FAM83E: variants seen among roughly 807,000 people sequenced by gnomAD.
The protein encoded by FAM83E is protein FAM83E.
A neutral mutation model predicts 34.3 loss-of-function variants in FAM83E; 29 were observed. The observed-to-expected ratio is 0.85, with a 90% CI of 0.63 to 1.15. The LOEUF (loss-of-function observed/expected upper bound fraction) is 1.15, where lower values mean the gene tolerates loss of function less well. FAM83E is among the 50% of genes most tolerant of loss of function. The pLI is 0.00. For synonymous variants in FAM83E, 312 were observed against 311.6 expected (o/e 1.00, Z -0.01); for missense variants, 697 against 685.0 (o/e 1.02, Z -0.20).
At position 48,600,983 on chromosome 19, in the gene FAM83E, T is replaced by G. The variant is rs1355493284; in HGVS notation, c.*126A>C. ...TGCAGAACAAGTGACAAACATCCCT[T>G]CTGCTTGACAGACGCCGAGGCCAGA... On this transcript the variant is annotated 3_prime_UTR_variant, in exon 7 of 7. Coordinates refer to ENST00000263266, the MANE Select transcript of FAM83E (RefSeq NM_017708.4). 6.8e-7 allele frequency: 1 copy of G among 1,470,728 alleles called. No homozygotes were observed. Among genetic ancestry groups the G allele is most frequent in the African/African-American group, 1.4e-5 (1 of 70,282 alleles). The allele number at this position is 1,470,728 out of a possible 1,614,324, so 91.1% of individuals were successfully genotyped here. A position where few individuals can be genotyped will look rare whatever the true frequency, so the allele number is the denominator to read the frequency against.
At chr19:48,609,803 C>A in intron 5 of FAM83E, 73 bp downstream of exon 5, 1 of 1,504,802 alleles carries the variant, frequency 6.6e-7, no homozygotes, top group Non-Finnish European at 9.2e-7. Context: ...GGGATGCCAG[C>A]TGTTCTCTGA....
At chr19:48,608,813 C>T (rs577585496) in intron 5 of FAM83E, among the ~76,000 whole-genome samples, 1 of 146,406 alleles carries the variant, frequency 6.8e-6, no homozygotes, top group South Asian at 2.2e-4. Context: ...AGCCACTGTT[C>T]CTGAGCAGTG....
chr19:48,601,953 G>GC (rs1486069354), intron 6 of FAM83E, among the ~76,000 whole-genome samples: 1 of 151,094 alleles, frequency 6.6e-6, no homozygotes, highest in East Asian at 2.0e-4. Flanking sequence ...ACCAACCTAG[G>GC]CAACACAGTG....
intron 6 of FAM83E, among the ~76,000 whole-genome samples, chr19:48,602,827 TATTATTA>T (rs1413895623): frequency 1.6e-4 from 2 of 12,872 alleles, no homozygotes; most frequent in Non-Finnish European, 5.3e-4. Context: ...ATTTATTGTT[TATTATTA>T]TTATTATTAT....
intron 5 of FAM83E, among the ~76,000 whole-genome samples, chr19:48,609,531 T>C (rs1219829601): frequency 2.0e-5 from 3 of 152,042 alleles, no homozygotes; most frequent in African/African-American, 7.2e-5. Flanking sequence ...TCCGGGCATT[T>C]TCTTAGATGC....
At position 48,603,619 on chromosome 19, in the gene FAM83E, T is replaced by A. The variant is rs1424866273; in HGVS notation, c.1051A>T (p.Ser351Cys). 8.3e-6 allele frequency: 12 copies of A among 1,448,544 alleles called. No individual in the cohort carries two copies. In the Admixed American group the frequency reaches 1.6e-4, roughly 19 times the overall value. The allele number at this position is 1,448,544 out of a possible 1,614,324, so 89.7% of individuals were successfully genotyped here. A position where few individuals can be genotyped will look rare whatever the true frequency, so the allele number is the denominator to read the frequency against. Reference protein sequence around the residue: ...VSPATPGPALSDILRSVQRAR... With the variant: ...VSPATPGPALCDILRSVQRAR... ...CGCTGCACACTCCTTAGAATGTCACTGAGTGCCGGCCCCGGGGTAGCAGGG... is the reference window on the plus strand; with the variant it reads ...CGCTGCACACTCCTTAGAATGTCACAGAGTGCCGGCCCCGGGGTAGCAGGG... Residue 351 changes from serine to cysteine, a missense_variant, in exon 6 of 7, where the codon AGT becomes TGT. By Grantham distance (112) the Ser-to-Cys change is moderately radical (BLOSUM62 -1). Coordinates refer to ENST00000263266, the MANE Select transcript of FAM83E (RefSeq NM_017708.4).
Position 48,609,867 on chromosome 19 carries a change from G to A in FAM83E, c.758+9C>T, listed in dbSNP as rs775613553. 3.7e-6 allele frequency: 6 copies of A among 1,611,736 alleles called. No homozygotes were observed. The highest frequency in any genetic ancestry group is 5.1e-6 in the Non-Finnish European group (6 of 1,179,574). Reference sequence around the variant, plus strand: ...CGCCGGGAGGTGGGGGGCGGGGCGGGGGCTACACCTGTAGGATCCTGAGAT... The same window carrying A: ...CGCCGGGAGGTGGGGGGCGGGGCGGAGGCTACACCTGTAGGATCCTGAGAT... On this transcript the variant is annotated intron_variant, in intron 5 of 6. Transcript: ENST00000263266.
chr19:48,605,367 G>GT (rs1453304395), intron 5 of FAM83E, among the ~76,000 whole-genome samples: 1 of 152,088 alleles, frequency 6.6e-6, no homozygotes, highest in Non-Finnish European at 1.5e-5. Context: ...GAGGCTAGGA[G>GT]TTTGAGACCA....
Position 48,614,166 on chromosome 19 carries a change from C to T in FAM83E, c.-794G>A. On this transcript the variant is annotated 5_prime_UTR_variant, in exon 3 of 7. Coordinates refer to ENST00000263266, the MANE Select transcript of FAM83E (RefSeq NM_017708.4). ...CCTTCCCTACCCTGTCAATGGGGGA[C>T]CCTGCTCCCTGGACCCTCCTCACAC... The T allele has an allele frequency of 1.0e-6, 1 of 984,144 alleles. No homozygotes were observed. Among genetic ancestry groups the T allele is most frequent in the African/African-American group, 1.7e-5 (1 of 57,360 alleles). The allele number at this position is 984,144 out of a possible 1,614,324, so 61.0% of individuals were successfully genotyped here. A position where few individuals can be genotyped will look rare whatever the true frequency, so the allele number is the denominator to read the frequency against.
chr19:48,614,266 TC>T lies in FAM83E; in HGVS notation c.-895del. On this transcript the variant is annotated 5_prime_UTR_variant, in exon 3 of 7. It removes the in-frame stop codon of an upstream open reading frame in the 5' UTR. Transcript: ENST00000263266. ...TTACTATGGGACAGGTCTATGATCT[TC>T]ACAGCCCATCTAGGTGTGAGTGCCA... is the stretch of plus-strand genomic sequence containing the variant. 2.0e-6 allele frequency: 2 copies of T among 985,452 alleles called. No homozygotes were observed. The highest frequency in any genetic ancestry group is 2.4e-6 in the Non-Finnish European group (2 of 830,032). 61.0% of individuals were successfully genotyped at this position (985,452 alleles called of 1,614,324 possible). A position where few individuals can be genotyped will look rare whatever the true frequency, so the allele number is the denominator to read the frequency against.
intron 6 of FAM83E, 98 bp downstream of exon 6, chr19:48,603,396 G>T: frequency 8.4e-7 from 1 of 1,195,004 alleles, no homozygotes; most frequent in East Asian, 3.0e-5. Context: ...GCCTGCTCTG[G>T]CTGGGAGCAG....
rs770189316 is a variant in FAM83E at position 48,612,989 on chromosome 19, C to T, written c.384G>A (p.Ala128=). 3.3e-5 allele frequency: 53 copies of T among 1,603,942 alleles called. No homozygotes were observed. Among genetic ancestry groups the T allele is most frequent in the Non-Finnish European group, 4.3e-5 (50 of 1,176,294 alleles). The change falls in exon 3 of 7, where the codon GCG becomes GCA. Residue 128 remains alanine (A), a synonymous_variant. Coordinates refer to ENST00000263266, the MANE Select transcript of FAM83E (RefSeq NM_017708.4). The stretch of plus-strand genomic sequence containing the variant: ...CTCCAGGAGGCTGGGTGTACAGCTG[C>T]GCCCGGGTGATGCCTTTCCACGCAG... ...VDSAWKGITR[A]QLYTQPPGEG...
rs780157808 is a variant in FAM83E, at chr19:48,600,650, CTTTTTT to C, written c.*453_*458del. ...CGATCAGCCTTTCTTTTTCTTTTTT[CTTTTTT>C]TTTTTTTTTTAAAGAGATGGCCTCT... is the stretch of plus-strand genomic sequence containing the variant. On this transcript the variant is annotated 3_prime_UTR_variant, in exon 7 of 7. Transcript: ENST00000263266. Among the ~76,000 whole-genome samples, 3 of 136,696 alleles carry C rather than the reference CTTTTTT, an allele frequency of 2.2e-5. No homozygotes were observed. The highest frequency in any genetic ancestry group is 4.8e-5 in the Non-Finnish European group (3 of 62,822). 89.7% of individuals were successfully genotyped at this position (136,696 alleles called of 152,430 possible). A position where few individuals can be genotyped will look rare whatever the true frequency, so the allele number is the denominator to read the frequency against.
intron 5 of FAM83E, among the ~76,000 whole-genome samples, chr19:48,604,426 C>T (rs978041415): frequency 1.0e-4 from 15 of 148,222 alleles, no homozygotes; most frequent in Middle Eastern, 6.5e-3. Flanking sequence ...TGCCTCCTGG[C>T]TTCAAGCAAT....
Position 48,614,772 on chromosome 19 carries a change from G to C in FAM83E, c.-1320C>G. 1 of 985,562 alleles carries C rather than the reference G, an allele frequency of 1.0e-6. No individual in the cohort carries two copies. Among genetic ancestry groups the C allele is most frequent in the Non-Finnish European group, 1.2e-6 (1 of 830,062 alleles). 61.1% of individuals were successfully genotyped at this position (985,562 alleles called of 1,614,324 possible). On this transcript the variant is annotated 5_prime_UTR_variant, in exon 2 of 7. Transcript: ENST00000263266. ...GTGCCTGCTTTTTCCGAGAACGTAGGCTGTGGCTCCCCGGCTTCTACTTCT... is the reference window on the plus strand; with the variant it reads ...GTGCCTGCTTTTTCCGAGAACGTAGCCTGTGGCTCCCCGGCTTCTACTTCT...
chr19:48,614,761 C>A lies in FAM83E; in HGVS notation c.-1309G>T. ...CCTCCCTTCCAGTGCCTGCTTTTTCCGAGAACGTAGGCTGTGGCTCCCCGG... is the reference window on the plus strand; with the variant it reads ...CCTCCCTTCCAGTGCCTGCTTTTTCAGAGAACGTAGGCTGTGGCTCCCCGG... On this transcript the variant is annotated 5_prime_UTR_variant, in exon 2 of 7. Transcript: ENST00000263266. 1.0e-6 allele frequency: 1 copy of A among 985,542 alleles called. No individual in the cohort carries two copies. The highest frequency in any genetic ancestry group is 4.7e-5 in the South Asian group (1 of 21,304). 61.0% of individuals were successfully genotyped at this position (985,542 alleles called of 1,614,324 possible). A position where few individuals can be genotyped will look rare whatever the true frequency, so the allele number is the denominator to read the frequency against.
At chr19:48,603,969 C>T (rs1973882396) in intron 5 of FAM83E, 58 bp from the exon 6 acceptor site, 8 of 1,540,728 alleles carry the variant, frequency 5.2e-6, no homozygotes, top group African/African-American at 1.4e-5. Context: ...AGCCCGGCCC[C>T]CATCCTCAGC....
chr19:48,611,819 C>T (rs1053370037), intron 3 of FAM83E, among the ~76,000 whole-genome samples: 2 of 152,168 alleles, frequency 1.3e-5, no homozygotes, highest in African/African-American at 2.4e-5. Flanking sequence ...TGCGACACTG[C>T]GGTACCCAAA....
At chr19:48,607,187 G>GC in intron 5 of FAM83E, 1 of 1,613,230 alleles carries the variant, frequency 6.2e-7, no homozygotes, top group Non-Finnish European at 8.5e-7. Flanking sequence ...CGAGCCACCA[G>GC]CTGCGGCCTT....
Sources: allele counts gnomAD v4.1 joint callset (sites outside exome capture counted in the v4.1 genomes callset), GRCh38; gene constraint gnomAD v4.1.1; transcripts MANE v1.5; gene names NCBI Gene and HGNC (gene_info 2026-07-23, HGNC 2026-07-21).